The following GRIP2 variants were observed in gnomAD, a reference collection of about 807,000 sequenced individuals.
GRIP2 encodes the protein glutamate receptor-interacting protein 2.
A neutral mutation model predicts 108.3 loss-of-function variants in GRIP2; 58 were observed. The observed-to-expected ratio is 0.54, with a 90% CI of 0.43 to 0.67. The LOEUF is 0.67. GRIP2 is among the 30% of genes least tolerant of loss of function. GRIP2 has a pLI of 0.00. For missense variants in GRIP2, 1,278 were observed against 1,430.6 expected (o/e 0.89, Z 1.72); for synonymous variants, 586 against 598.2 (o/e 0.98, Z 0.30).
chr3:14,590,789 A>T, the GRIP2 span, among the ~76,000 whole-genome samples: 1,136 of 152,352 alleles, frequency 7.5e-3, 6 homozygotes, highest in Non-Finnish European at 0.011. Context: ...AAGTGTATAA[A>T]GGGGCTGGGT....
intron 13 of GRIP2, among the ~76,000 whole-genome samples, chr3:14,513,145 C>A (rs1460227256): frequency 6.6e-6 from 1 of 152,148 alleles, no homozygotes; most frequent in Non-Finnish European, 1.5e-5. Flanking sequence ...AGCCTAACAA[C>A]CCAGTGTGAA....
At chr3:14,578,858 T>TC in the GRIP2 span, among the ~76,000 whole-genome samples, 58 of 151,380 alleles carry the variant, frequency 3.8e-4, no homozygotes, top group Non-Finnish European at 7.1e-4. Flanking sequence ...TTTTTTTTTT[T>TC]TCTCTCTCTC....
upstream of GRIP2, among the ~76,000 whole-genome samples, chr3:14,556,835 G>A (rs1695243878): frequency 6.6e-6 from 1 of 152,204 alleles, no homozygotes; most frequent in South Asian, 2.1e-4. Context: ...GGGAGACTGA[G>A]GCAGATGGGC....
chr3:14,580,618 A>T, the GRIP2 span, among the ~76,000 whole-genome samples: 1 of 152,204 alleles, frequency 6.6e-6, no homozygotes, highest in African/African-American at 2.4e-5. Context: ...ACTTGAGCCC[A>T]GTAGTTTGAG....
intron 1 of GRIP2, among the ~76,000 whole-genome samples, chr3:14,526,830 G>A (rs1412168638): frequency 2.6e-5 from 4 of 152,210 alleles, no homozygotes; most frequent in Non-Finnish European, 4.4e-5. Context: ...AGGTAGAACA[G>A]TATGATGCAG....
the GRIP2 span, among the ~76,000 whole-genome samples, chr3:14,592,124 T>C: frequency 6.6e-6 from 1 of 152,212 alleles, no homozygotes; most frequent in African/African-American, 2.4e-5. Context: ...ATCCAGCAGC[T>C]CCACATAGAG....
intron 1 of GRIP2, among the ~76,000 whole-genome samples, chr3:14,554,174 C>T (rs1695197278): frequency 6.6e-6 from 1 of 152,146 alleles, no homozygotes; most frequent in Non-Finnish European, 1.5e-5. Context: ...CTCACTTCAA[C>T]AGGGGAGGAA....
At chr3:14,525,632 C>T in intron 2 of GRIP2, 60 bp from the exon 3 acceptor site, 2 of 1,599,148 alleles carry the variant, frequency 1.3e-6, no homozygotes, top group East Asian at 2.2e-5. Context: ...AGGCCCCCAG[C>T]TCTAAGATAA....
intron 1 of GRIP2, among the ~76,000 whole-genome samples, chr3:14,552,840 A>G (rs550739593): frequency 6.6e-6 from 1 of 151,994 alleles, no homozygotes; most frequent in East Asian, 1.9e-4. Flanking sequence ...TGATCTGCCC[A>G]CCTCAGACTC....
At chr3:14,585,903 C>G in the GRIP2 span, among the ~76,000 whole-genome samples, 13 of 152,160 alleles carry the variant, frequency 8.5e-5, no homozygotes, top group Non-Finnish European at 1.6e-4. Flanking sequence ...GAAATCAGGT[C>G]CCACATCAGC....
intron 19 of GRIP2, among the ~76,000 whole-genome samples, chr3:14,506,231 C>G (rs552720709): frequency 3.3e-5 from 5 of 152,220 alleles, no homozygotes; most frequent in East Asian, 3.9e-4. Context: ...CCTCGCCCCC[C>G]CTACCCAGTC....
chr3:14,524,495 C>T lies in GRIP2; in HGVS notation c.301G>A (p.Gly101Arg), dbSNP rs1048867414. The T allele has an allele frequency of 7.7e-6, 12 of 1,563,192 alleles. No homozygotes were observed. Among genetic ancestry groups the T allele is most frequent in the Admixed American group, 1.9e-5 (1 of 52,364 alleles). ...TGGCGGAGCCTGGTCAGGTGGATCC[C>T]GTTCACAGACCGAATATAGTCACCA... is the stretch of plus-strand genomic sequence containing the variant. Reference protein sequence around the residue: ...NIGDYIRSVNGIHLTRLRHDE... With the variant: ...NIGDYIRSVNRIHLTRLRHDE... Residue 101 changes from glycine to arginine, a missense_variant, in exon 4 of 24, where the codon GGG (glycine) becomes AGG (arginine). Gly to Arg is a moderately radical substitution (Grantham distance 125, BLOSUM62 -2). Coordinates refer to ENST00000621039, the MANE Select transcript of GRIP2 (RefSeq NM_001080423.4).
chr3:14,532,760 G>A (rs73033832), intron 1 of GRIP2, among the ~76,000 whole-genome samples: 7,048 of 152,186 alleles, frequency 0.046, 256 homozygotes, highest in Middle Eastern at 0.11. Context: ...TGAGTCGGAG[G>A]TGGGGCTCAA....
intron 3 of GRIP2, among the ~76,000 whole-genome samples, chr3:14,524,961 C>T (rs570027431): frequency 6.6e-6 from 1 of 152,306 alleles, no homozygotes; most frequent in Admixed American, 6.5e-5. Context: ...GCCTCACAGT[C>T]CAAGGGAGCC....
intron 1 of GRIP2, among the ~76,000 whole-genome samples, chr3:14,551,906 G>T (rs1258301265): frequency 6.6e-6 from 1 of 152,128 alleles, no homozygotes; most frequent in Non-Finnish European, 1.5e-5. Context: ...TAACCCACAG[G>T]CCTGTTGCAA....
chr3:14,546,278 C>A (rs1695056582), upstream of GRIP2, among the ~76,000 whole-genome samples: 1 of 152,118 alleles, frequency 6.6e-6, no homozygotes, highest in Middle Eastern at 3.2e-3. Flanking sequence ...CGCACAGAGA[C>A]AAGGTCGGCC....
Position 14,506,852 on chromosome 3 carries a change from C to G in GRIP2, c.2347G>C (p.Ala783Pro). The G allele has an allele frequency of 6.2e-7, 1 of 1,607,202 alleles. No individual in the cohort carries two copies. Among genetic ancestry groups the G allele is most frequent in the Non-Finnish European group, 8.5e-7 (1 of 1,176,920 alleles). ...GCCGAGCTGTCCCAAGACTCCACAG[C>G]ACTGTCCACACTGGGCACAGCCGGC... is the stretch of plus-strand genomic sequence containing the variant. Reference protein sequence around the residue: ...FSPAVPSVDSAVESWDSSATE... With the variant: ...FSPAVPSVDSPVESWDSSATE... The change falls in exon 19 of 24, where the codon GCT becomes CCT. Residue 783 changes from alanine to proline, a missense_variant. By Grantham distance (27) the Ala-to-Pro change is conservative (BLOSUM62 -1). Coordinates refer to ENST00000621039, the MANE Select transcript of GRIP2 (RefSeq NM_001080423.4).
upstream of GRIP2, among the ~76,000 whole-genome samples, chr3:14,544,471 G>A (rs911909285): frequency 1.1e-4 from 17 of 152,142 alleles, no homozygotes; most frequent in Admixed American, 4.6e-4. Flanking sequence ...CCAGCACAGC[G>A]AGGGCCTGGA....
At position 14,554,831 on chromosome 3, in the gene GRIP2, G is replaced by A. The variant is rs549678291; in HGVS notation, c.55+1069C>T. Reference sequence around the variant, plus strand: ...TTCCTCCTCTGCACAATCAGAATGAGGATGGGACCAGCCTTGCAGGGCCAC... The same window carrying A: ...TTCCTCCTCTGCACAATCAGAATGAAGATGGGACCAGCCTTGCAGGGCCAC... On this transcript the variant is annotated intron_variant, in intron 1 of 23. Coordinates refer to the GRIP2 transcript ENST00000637182. Among the ~76,000 whole-genome samples the A allele has an allele frequency of 3.2e-4, 49 of 152,296 alleles. No homozygotes were observed. The South Asian group carries it at 8.9e-3, about 28-fold the overall frequency.
Sources: gnomAD v4.1 joint callset for allele counts (sites outside exome capture counted in the v4.1 genomes callset) on GRCh38, gnomAD v4.1.1 for gene constraint, MANE v1.5 for transcripts, NCBI Gene and HGNC (gene_info 2026-07-23, HGNC 2026-07-21) for gene names.